Variants in ZNF705A observed in about 807,000 individuals in gnomAD.
ZNF705A encodes zinc finger protein 705A.
ZNF705A carries 8 observed loss-of-function variants against 16.6 expected under a neutral mutation model. The observed-to-expected ratio is 0.48, with a 90% CI of 0.28 to 0.87. The LOEUF (loss-of-function observed/expected upper bound fraction) is 0.87, where lower values mean the gene tolerates loss of function less well. Among genes scored for constraint, ZNF705A ranks in the 40% least tolerant of loss-of-function variants. The pLI, the probability that ZNF705A is intolerant of heterozygous loss-of-function variation, is 0.10. For missense variants in ZNF705A, 233 were observed against 359.9 expected, an observed-to-expected ratio of 0.65 and a Z score of 2.85; for synonymous variants, 73 against 117.3, an observed-to-expected ratio of 0.62 and a Z score of 2.44.
intron 1 of ZNF705A, among the ~76,000 whole-genome samples, chr12:8,167,001 A>G (rs1277053121): frequency 1.3e-5 from 2 of 152,250 alleles, no homozygotes; most frequent in Non-Finnish European, 2.9e-5. Context: ...TTCAGACAAT[A>G]CCAGTGGTCT....
chr12:8,172,301 A>G (rs979147807), upstream of ZNF705A, among the ~76,000 whole-genome samples: 1 of 151,550 alleles, frequency 6.6e-6, no homozygotes, highest in Non-Finnish European at 1.5e-5. Flanking sequence ...ACTTGTGCCA[A>G]TTAACATACA....
At chr12:8,167,629 T>A (rs2120711258), upstream of ZNF705A, among the ~76,000 whole-genome samples, 1 of 152,280 alleles carries the variant, frequency 6.6e-6, no homozygotes, top group South Asian at 2.1e-4. Context: ...CACTTTTTAT[T>A]TCTGGTGAGT....
At chr12:8,174,991 C>G (rs1438447682) in intron 2 of ZNF705A, among the ~76,000 whole-genome samples, 1 of 152,168 alleles carries the variant, frequency 6.6e-6, no homozygotes, top group Non-Finnish European at 1.5e-5. Context: ...ATGGACTCAG[C>G]ATTCATAGGT....
chr12:8,164,929 T>C (rs1335436743), intron 1 of ZNF705A, among the ~76,000 whole-genome samples: 1 of 152,222 alleles, frequency 6.6e-6, no homozygotes, highest in East Asian at 1.9e-4. Context: ...CCACAATAGT[T>C]GAACTAATTT....
chr12:8,171,583 T>C (rs1948445841), upstream of ZNF705A, among the ~76,000 whole-genome samples: 1 of 152,200 alleles, frequency 6.6e-6, no homozygotes, highest in Admixed American at 6.5e-5. Flanking sequence ...CTGAGCATCC[T>C]AGAGGATTGT....
chr12:8,172,788 T>G, intron 1 of ZNF705A, 151 bp downstream of exon 2: 2 of 1,346,232 alleles, frequency 1.5e-6, no homozygotes, highest in Non-Finnish European at 2.0e-6. Context: ...GTATTCCAAA[T>G]GCAATCAGGA....
chr12:8,165,841 A>ATAAT (rs1260853826), intron 1 of ZNF705A, among the ~76,000 whole-genome samples: 4 of 152,124 alleles, frequency 2.6e-5, no homozygotes, highest in Admixed American at 6.6e-5. Context: ...GTTGGTGCAA[A>ATAAT]GGACATAATT....
intron 1 of ZNF705A, among the ~76,000 whole-genome samples, chr12:8,166,223 G>T (rs968412683): frequency 1.3e-5 from 2 of 152,202 alleles, no homozygotes; most frequent in African/African-American, 4.8e-5. Context: ...CTGCATTGCT[G>T]TAGTAGACAT....
chr12:8,172,029 A>C (rs755068113), upstream of ZNF705A, among the ~76,000 whole-genome samples: 1 of 152,184 alleles, frequency 6.6e-6, no homozygotes, highest in African/African-American at 2.4e-5. Context: ...GAGCCGCCAC[A>C]CTCGACCCTA....
chr12:8,160,749 A>T (rs1228604111), intron 1 of ZNF705A, among the ~76,000 whole-genome samples: 1 of 152,044 alleles, frequency 6.6e-6, no homozygotes, highest in African/African-American at 2.4e-5. Context: ...GGTTTTCGAG[A>T]TAAATGACCA....
chr12:8,179,198 A>G (rs1231864857), exon 5 of ZNF705A: 1 of 152,092 alleles, frequency 6.6e-6, no homozygotes, highest in Non-Finnish European at 1.5e-5. Flanking sequence ...CTCTAACTGG[A>G]AGTAGCAGTT....
intron 1 of ZNF705A, among the ~76,000 whole-genome samples, chr12:8,164,405 A>G (rs1948381711): frequency 1.3e-5 from 2 of 152,204 alleles, no homozygotes. Context: ...GTTGTCACAA[A>G]TGACAGGGTT....
At chr12:8,164,706 G>A (rs1346626294) in intron 1 of ZNF705A, among the ~76,000 whole-genome samples, 1 of 152,140 alleles carries the variant, frequency 6.6e-6, no homozygotes, top group Non-Finnish European at 1.5e-5. Context: ...TGGTGTATAT[G>A]TACCACATTT....
chr12:8,169,609 A>G (rs1948428398), upstream of ZNF705A, among the ~76,000 whole-genome samples: 1 of 152,240 alleles, frequency 6.6e-6, no homozygotes, highest in Non-Finnish European at 1.5e-5. Flanking sequence ...GAGAGAATCT[A>G]CTAAATAATA....
At chr12:8,168,752 G>C (rs1393453888), upstream of ZNF705A, 1 of 152,144 alleles carries the variant, frequency 6.6e-6, no homozygotes, top group African/African-American at 2.4e-5. Flanking sequence ...ATCGTGTTGG[G>C]CATGTTGGCT....
intron 1 of ZNF705A, among the ~76,000 whole-genome samples, chr12:8,163,649 G>A (rs1212240382): frequency 6.6e-6 from 1 of 152,150 alleles, no homozygotes; most frequent in Non-Finnish European, 1.5e-5. Context: ...CTTAAACAAG[G>A]CAGAAGTTTG....
chr12:8,160,734 G>A lies in ZNF705A; in HGVS notation c.-72+3642G>A, dbSNP rs74185951. The stretch of plus-strand genomic sequence containing the variant: ...GTTCTAGGAGCTTTCTGGAGGAATC[G>A]TCAGGGTTTTCGAGATAAATGACCA... On this transcript the variant is annotated intron_variant, in intron 1 of 5. Coordinates refer to the ZNF705A transcript ENST00000396570. 2.7e-4 allele frequency among the ~76,000 whole-genome samples: 41 copies of A among 152,104 alleles called. No homozygotes were observed. The East Asian group carries it at 4.2e-3, about 16-fold the overall frequency.
intron 1 of ZNF705A, among the ~76,000 whole-genome samples, chr12:8,160,641 G>T (rs920128783): frequency 6.6e-6 from 1 of 150,834 alleles, no homozygotes; most frequent in Admixed American, 6.6e-5. Context: ...TGCTGTTGGT[G>T]TATAGAAGAG....
intron 1 of ZNF705A, among the ~76,000 whole-genome samples, chr12:8,158,652 T>C (rs1948328130): frequency 6.6e-6 from 1 of 152,130 alleles, no homozygotes; most frequent in Non-Finnish European, 1.5e-5. Flanking sequence ...TTGAATACGT[T>C]TCTAGAAATA....
Sources: allele counts gnomAD v4.1 joint callset (sites outside exome capture counted in the v4.1 genomes callset), GRCh38; gene constraint gnomAD v4.1.1; transcripts MANE v1.5; gene names NCBI Gene and HGNC (gene_info 2026-07-23, HGNC 2026-07-21).